KCNH1: variants seen among roughly 807,000 people sequenced by gnomAD.
KCNH1 encodes potassium voltage-gated channel subfamily H member 1.
KCNH1 carries 27 observed loss-of-function variants against 69.2 expected under a neutral mutation model. That is an observed-to-expected ratio of 0.39 (90% CI 0.29 to 0.54). The LOEUF is 0.54. KCNH1 is among the 20% of genes least tolerant of loss of function. KCNH1 has a pLI of 0.68. For missense variants in KCNH1, 798 were observed against 1,261.6 expected (o/e 0.63, Z 5.57); for synonymous variants, 456 against 487.7 (o/e 0.93, Z 0.86).
chr1:211,049,830 A>G (rs1178446106), intron 5 of KCNH1, among the ~76,000 whole-genome samples: 3 of 152,218 alleles, frequency 2.0e-5, no homozygotes, highest in Non-Finnish European at 2.9e-5. Flanking sequence ...CACTATGGCC[A>G]GAATGGGCCC....
intron 6 of KCNH1, among the ~76,000 whole-genome samples, chr1:210,931,770 A>T (rs1438741495): frequency 6.6e-6 from 1 of 151,992 alleles, no homozygotes; most frequent in Non-Finnish European, 1.5e-5. Flanking sequence ...CTAAATGAGA[A>T]ATTCAACAAA....
At chr1:210,798,582 C>T (rs1489915961) in intron 8 of KCNH1, among the ~76,000 whole-genome samples, 1 of 152,132 alleles carries the variant, frequency 6.6e-6, no homozygotes, top group Non-Finnish European at 1.5e-5. Flanking sequence ...GATTTTTGAG[C>T]AGGAGAATGT....
Position 210,835,685 on chromosome 1 carries a change from A to C in KCNH1, c.1463-31519T>G, listed in dbSNP as rs191521163. ...AGACACTTCAGAGAAATTGGATCAA[A>C]GTGAAGAGTTAGGGGGAAATACTGA... On this transcript the variant is annotated intron_variant, in intron 7 of 10. Transcript: ENST00000271751. Among the ~76,000 whole-genome samples, 7 of 152,292 alleles carry C rather than the reference A, an allele frequency of 4.6e-5. No individual in the cohort carries two copies. The East Asian group carries it at 1.4e-3, about 29-fold the overall frequency.
intron 6 of KCNH1, among the ~76,000 whole-genome samples, chr1:210,973,966 T>C (rs527573189): frequency 1.3e-5 from 2 of 152,306 alleles, no homozygotes; most frequent in South Asian, 4.1e-4. Flanking sequence ...TCTTGCCATC[T>C]ATTACTGAGT....
intron 5 of KCNH1, among the ~76,000 whole-genome samples, chr1:211,020,945 T>TA (rs35891554): frequency 0.62 from 94,440 of 151,898 alleles, 30,081 homozygotes; most frequent in African/African-American, 0.77. Flanking sequence ...CCTTTCATGA[T>TA]AAAAAAAACT....
At chr1:210,959,249 C>T (rs1344302138) in intron 6 of KCNH1, among the ~76,000 whole-genome samples, 1 of 152,162 alleles carries the variant, frequency 6.6e-6, no homozygotes, top group Admixed American at 6.6e-5. Context: ...GCAGAGGCTG[C>T]AGAACAGCAA....
intron 7 of KCNH1, among the ~76,000 whole-genome samples, chr1:210,864,220 T>C (rs1686053230): frequency 6.6e-6 from 1 of 152,152 alleles, no homozygotes; most frequent in Non-Finnish European, 1.5e-5. Context: ...TCTCCACTAT[T>C]GAGCCAGGTG....
chr1:210,985,520 C>G (rs1228750642), intron 6 of KCNH1, among the ~76,000 whole-genome samples: 1 of 152,172 alleles, frequency 6.6e-6, no homozygotes, highest in East Asian at 1.9e-4. Flanking sequence ...ATCTTTATTT[C>G]TGCCTTCATT....
intron 10 of KCNH1, among the ~76,000 whole-genome samples, chr1:210,742,333 T>C (rs1436652836): frequency 6.6e-6 from 1 of 152,234 alleles, no homozygotes; most frequent in Non-Finnish European, 1.5e-5. Context: ...CCTTCATTCC[T>C]TCATTCAGCT....
At chr1:211,035,986 C>A (rs557370538) in intron 5 of KCNH1, among the ~76,000 whole-genome samples, 14 of 152,168 alleles carry the variant, frequency 9.2e-5, no homozygotes, top group Non-Finnish European at 1.8e-4. Flanking sequence ...ATGCACCAGG[C>A]GCTTGGTCTA....
At chr1:210,701,637 CT>C (rs200477083) in intron 10 of KCNH1, among the ~76,000 whole-genome samples, 5 of 151,444 alleles carry the variant, frequency 3.3e-5, no homozygotes, top group African/African-American at 7.3e-5. Context: ...TTCCTTCCAT[CT>C]TTTTTTTTAT....
At chr1:210,961,930 T>C (rs1278405804) in intron 6 of KCNH1, among the ~76,000 whole-genome samples, 1 of 152,216 alleles carries the variant, frequency 6.6e-6, no homozygotes, top group Non-Finnish European at 1.5e-5. Context: ...TCCATGCTAG[T>C]TGATGGGAAC....
chr1:211,062,579 C>A (rs920649860), intron 5 of KCNH1, among the ~76,000 whole-genome samples: 3 of 152,058 alleles, frequency 2.0e-5, no homozygotes, highest in Non-Finnish European at 4.4e-5. Flanking sequence ...GGATTAATAA[C>A]CATAGTAATA....
chr1:210,688,490 C>T (rs906886527), intron 10 of KCNH1, among the ~76,000 whole-genome samples: 3 of 152,194 alleles, frequency 2.0e-5, no homozygotes, highest in African/African-American at 7.2e-5. Context: ...CAAAAATCTG[C>T]TTCTAATGTT....
At chr1:210,918,268 A>G (rs1687388684) in intron 7 of KCNH1, among the ~76,000 whole-genome samples, 1 of 152,232 alleles carries the variant, frequency 6.6e-6, no homozygotes, top group Non-Finnish European at 1.5e-5. Context: ...TCAGTATAAC[A>G]ATTTGTCAAC....
chr1:211,111,674 C>G (rs1011882753), intron 1 of KCNH1, among the ~76,000 whole-genome samples: 1 of 148,866 alleles, frequency 6.7e-6, no homozygotes, highest in East Asian at 2.1e-4. Flanking sequence ...GGCCGCTGCA[C>G]TGTCTGGGAA....
At chr1:210,917,337 C>CAGAGAGAGAGAA (rs1558524957) in intron 7 of KCNH1, among the ~76,000 whole-genome samples, 2 of 149,542 alleles carry the variant, frequency 1.3e-5, no homozygotes, top group Middle Eastern at 3.5e-3. Context: ...GACAGAGACA[C>CAGAGAGAGAGAA]AGAGAGAGAG....
At chr1:210,767,458 C>T (rs534781134) in intron 10 of KCNH1, among the ~76,000 whole-genome samples, 32 of 152,272 alleles carry the variant, frequency 2.1e-4, no homozygotes, top group African/African-American at 7.5e-4. Context: ...AAGACCTGTT[C>T]GCTCCACAAG....
intron 1 of KCNH1, among the ~76,000 whole-genome samples, chr1:211,111,182 C>A (rs1028144697): frequency 2.0e-5 from 3 of 152,194 alleles, no homozygotes; most frequent in African/African-American, 7.2e-5. Flanking sequence ...TGCAAGTGCT[C>A]ACAAAAATGT....
Sources: gnomAD v4.1 joint callset for allele counts (sites outside exome capture counted in the v4.1 genomes callset) on GRCh38, gnomAD v4.1.1 for gene constraint, MANE v1.5 for transcripts, NCBI Gene and HGNC (gene_info 2026-07-23, HGNC 2026-07-21) for gene names.